The following WDPCP variants were observed in gnomAD, a reference collection of about 807,000 sequenced individuals.
The protein encoded by WDPCP is WD repeat containing planar cell polarity effector, also known as WD repeat-containing and planar cell polarity effector protein fritz homolog.
A neutral mutation model predicts 93.1 loss-of-function variants in WDPCP; 71 were observed. That is an observed-to-expected ratio of 0.76 (90% confidence interval 0.63 to 0.93). WDPCP has a LOEUF of 0.93. WDPCP is among the 40% of genes least tolerant of loss of function. WDPCP has a pLI of 0.00. For synonymous variants in WDPCP, 315 were observed against 315.0 expected (o/e 1.00, Z 0.00); for missense variants, 844 against 887.4 (o/e 0.95, Z 0.62).
chr2:63,809,427 G>T (rs993631411), intron 2 of WDPCP, among the ~76,000 whole-genome samples: 12 of 152,230 alleles, frequency 7.9e-5, no homozygotes, highest in Non-Finnish European at 1.8e-4. Flanking sequence ...ACAGCTCATT[G>T]AGAACGGGCC....
chr2:63,565,051 C>T (rs1392106436), intron 1 of WDPCP, among the ~76,000 whole-genome samples: 1 of 152,166 alleles, frequency 6.6e-6, no homozygotes, highest in East Asian at 1.9e-4. Flanking sequence ...GCTGGGATTA[C>T]AGGCGTGAGT....
chr2:63,536,901 G>A (rs1439563289), intron 1 of WDPCP, among the ~76,000 whole-genome samples: 1 of 151,220 alleles, frequency 6.6e-6, no homozygotes, highest in Non-Finnish European at 1.5e-5. Context: ...AAGTAGCTGG[G>A]ATTACAGGCA....
chr2:63,383,775 ATATG>A (rs960692430), intron 10 of WDPCP, among the ~76,000 whole-genome samples: 73 of 152,274 alleles, frequency 4.8e-4, no homozygotes, highest in African/African-American at 1.7e-3. Flanking sequence ...AATCAAGAGA[ATATG>A]TAAGCAAAAA....
chr2:63,190,609 G>A (rs1036650809), intron 14 of WDPCP, among the ~76,000 whole-genome samples: 9 of 152,004 alleles, frequency 5.9e-5, no homozygotes, highest in Non-Finnish European at 1.3e-4. Context: ...AGGACACCAA[G>A]AGTTAGAAAA....
Position 63,164,710 on chromosome 2 carries a change from G to A in WDPCP, c.2078+9960C>T, listed in dbSNP as rs528169757. 3.3e-5 allele frequency among the ~76,000 whole-genome samples: 5 copies of A among 152,238 alleles called. No individual in the cohort carries two copies. In the East Asian group the frequency reaches 9.7e-4, roughly 29 times the overall value. ...AGGACAAACCAATATAATGTTTAAG[G>A]CTTTATTACACACAAATGTGTATGT... is the stretch of plus-strand genomic sequence containing the variant. On this transcript the variant is annotated intron_variant, in intron 15 of 17. Coordinates refer to ENST00000272321, the MANE Select transcript of WDPCP (RefSeq NM_015910.7).
intron 6 of WDPCP, among the ~76,000 whole-genome samples, chr2:63,468,117 G>A (rs1209948734): frequency 6.6e-6 from 1 of 152,142 alleles, no homozygotes; most frequent in Non-Finnish European, 1.5e-5. Flanking sequence ...ATTTGGCCTG[G>A]CTGAAACTTT....
At chr2:63,796,584 T>C (rs923439838) in intron 2 of WDPCP, among the ~76,000 whole-genome samples, 1 of 152,118 alleles carries the variant, frequency 6.6e-6, no homozygotes. Flanking sequence ...CTGTGAAACA[T>C]TGCAATGGAA....
At chr2:63,386,036 T>A (rs987122901) in intron 10 of WDPCP, among the ~76,000 whole-genome samples, 2 of 152,038 alleles carry the variant, frequency 1.3e-5, no homozygotes, top group African/African-American at 4.8e-5. Flanking sequence ...AAAATTAATC[T>A]CAACCCATAC....
intron 2 of WDPCP, among the ~76,000 whole-genome samples, chr2:63,777,493 T>C (rs911379609): frequency 2.6e-5 from 4 of 152,156 alleles, no homozygotes; most frequent in African/African-American, 9.7e-5. Context: ...CTATTTGTAA[T>C]AGCCCAAAAC....
At chr2:63,518,486 T>C (rs1702702931) in intron 1 of WDPCP, 1 of 152,252 alleles carries the variant, frequency 6.6e-6, no homozygotes, top group Non-Finnish European at 1.5e-5. Context: ...CCACAGACAC[T>C]TGAACTGGCA....
intron 14 of WDPCP, among the ~76,000 whole-genome samples, chr2:63,258,142 TTAG>T (rs1448583715): frequency 6.6e-6 from 1 of 152,198 alleles, no homozygotes; most frequent in African/African-American, 2.4e-5. Flanking sequence ...AGTGCTATTA[TTAG>T]TAGTAGTACA....
At chr2:63,236,922 G>T (rs1440231898) in intron 14 of WDPCP, among the ~76,000 whole-genome samples, 3 of 152,004 alleles carry the variant, frequency 2.0e-5, no homozygotes, top group African/African-American at 7.2e-5. Flanking sequence ...CACAGCCAAA[G>T]AATTTATGAC....
At chr2:63,676,351 C>T (rs2103617134) in intron 2 of WDPCP, among the ~76,000 whole-genome samples, 1 of 152,262 alleles carries the variant, frequency 6.6e-6, no homozygotes, top group South Asian at 2.1e-4. Context: ...GAAAAGCCCA[C>T]AAAGGAGGAG....
At position 63,651,122 on chromosome 2, in the gene WDPCP, C is replaced by T. The variant is rs148544247; in HGVS notation, n.309-284G>A. On this transcript the variant is annotated intron_variant and non_coding_transcript_variant, in intron 2 of 4. Transcript: ENST00000467687. ...ACAATATGGTTCCTAGGTTGCTTTC[C>T]GACCGTGTAGAGCAGAGCCACCCTG... Among the ~76,000 whole-genome samples, 252 of 152,206 alleles carry T rather than the reference C, an allele frequency of 1.7e-3. No homozygotes were observed. The Middle Eastern group carries it at 0.017, about 10-fold the overall frequency.
intron 3 of WDPCP, among the ~76,000 whole-genome samples, chr2:63,629,756 T>C (rs1325898450): frequency 6.6e-6 from 1 of 152,202 alleles, no homozygotes; most frequent in Non-Finnish European, 1.5e-5. Flanking sequence ...CCTAAATGTC[T>C]ACCCTCAGCT....
intron 14 of WDPCP, chr2:63,233,076 GA>G (rs1181974753): frequency 1.9e-5 from 3 of 155,666 alleles, no homozygotes; most frequent in Admixed American, 6.5e-5. Flanking sequence ...AAAGGAGCTA[GA>G]ATTTGTACTC....
chr2:63,562,441 T>C (rs1214505090), intron 1 of WDPCP, among the ~76,000 whole-genome samples: 2 of 152,176 alleles, frequency 1.3e-5, no homozygotes, highest in Non-Finnish European at 2.9e-5. Flanking sequence ...ACCTAGGTGA[T>C]GGGTTGATAG....
intron 2 of WDPCP, among the ~76,000 whole-genome samples, chr2:63,487,817 C>T (rs2105922012): frequency 6.6e-6 from 1 of 152,184 alleles, no homozygotes; most frequent in East Asian, 1.9e-4. Flanking sequence ...CAGGGTTCTA[C>T]CAAAAGGAAC....
At chr2:63,546,447 C>G (rs1558787306) in intron 1 of WDPCP, among the ~76,000 whole-genome samples, 1 of 152,250 alleles carries the variant, frequency 6.6e-6, no homozygotes, top group East Asian at 1.9e-4. Context: ...TAAACTCACC[C>G]AATCTTTCCT....
Sources: gnomAD v4.1 joint callset for allele counts (sites outside exome capture counted in the v4.1 genomes callset) on GRCh38, gnomAD v4.1.1 for gene constraint, MANE v1.5 for transcripts, NCBI Gene and HGNC (gene_info 2026-07-23, HGNC 2026-07-21) for gene names.